Variants in SARNP observed in about 807,000 individuals in gnomAD.
SARNP encodes SAP domain-containing ribonucleoprotein.
In SARNP, 5 loss-of-function variants were observed where a neutral mutation model predicts 38.1. The ratio of observed to expected loss-of-function variants is 0.13; its 90% CI spans 0.07 to 0.28. The LOEUF is 0.28. SARNP is among the 10% of genes least tolerant of loss of function. The pLI, the probability that SARNP is intolerant of heterozygous loss-of-function variation, is 1.00. For synonymous variants in SARNP, 84 were observed against 80.6 expected (o/e 1.04, Z -0.23); for missense variants, 180 against 243.9 (o/e 0.74, Z 1.75).
At chr12:55,757,657 G>T in intron 10 of SARNP, 104 bp from the exon 11 acceptor site, 1 of 803,912 alleles carries the variant, frequency 1.2e-6, no homozygotes. Flanking sequence ...CAAGGCCCGA[G>T]AAGGAAGGAT....
chr12:55,794,480 T>C, intron 6 of SARNP, 93 bp from the exon 7 acceptor site: 2 of 1,097,318 alleles, frequency 1.8e-6, no homozygotes, highest in African/African-American at 1.6e-5. Context: ...CACTTCTTGC[T>C]TGTGATCTCA....
intron 7 of SARNP, among the ~76,000 whole-genome samples, chr12:55,792,108 G>C (rs1879688011): frequency 6.6e-6 from 1 of 151,892 alleles, no homozygotes; most frequent in South Asian, 2.1e-4. Context: ...AAATAAAAAA[G>C]CACCACGTTC....
chr12:55,811,892 C>T (rs879808985), intron 1 of SARNP, among the ~76,000 whole-genome samples: 1 of 152,196 alleles, frequency 6.6e-6, no homozygotes, highest in African/African-American at 2.4e-5. Context: ...CTTCTCACCA[C>T]GGCAAATGCT....
At chr12:55,760,470 G>C (rs765270211) in intron 10 of SARNP, 81 bp downstream of exon 10, 4 of 814,206 alleles carry the variant, frequency 4.9e-6, no homozygotes, top group Non-Finnish European at 8.4e-6. Flanking sequence ...ATAAATAGGT[G>C]GGGAAACAAT....
In SARNP at chr12:55,757,697, T is replaced by C. The variant is rs1878554743; in HGVS notation, c.592-144A>G. 5 of 587,966 alleles carry C rather than the reference T, an allele frequency of 8.5e-6. No homozygotes were observed. In the Admixed American group the frequency reaches 1.7e-4, roughly 20 times the overall value. The allele number at this position is 587,966 out of a possible 1,614,324, so 36.4% of individuals were successfully genotyped here. Reference sequence around the variant, plus strand: ...CAGACTTGAGCTTGGTAGCTAGAGATTTCATTCCTGAATCTCTCCAATCCT... The same window carrying C: ...CAGACTTGAGCTTGGTAGCTAGAGACTTCATTCCTGAATCTCTCCAATCCT... On this transcript the variant is annotated intron_variant, in intron 10 of 10. Transcript: ENST00000336133.
At chr12:55,770,965 C>T (rs1300419281) in intron 9 of SARNP, among the ~76,000 whole-genome samples, 1 of 145,194 alleles carries the variant, frequency 6.9e-6, no homozygotes, top group Non-Finnish European at 1.5e-5. Flanking sequence ...AACAGAGTTT[C>T]GCTCTTGTTG....
chr12:55,803,525 G>A, intron 2 of SARNP, 104 bp downstream of exon 2: 1 of 606,746 alleles, frequency 1.6e-6, no homozygotes, highest in Non-Finnish European at 2.8e-6. Context: ...CGTTAATTAA[G>A]AGCTTACATT....
intron 9 of SARNP, among the ~76,000 whole-genome samples, chr12:55,767,740 G>A (rs1878881965): frequency 1.3e-5 from 2 of 151,070 alleles, no homozygotes; most frequent in East Asian, 2.0e-4. Flanking sequence ...CCAGCTACTC[G>A]GGAGGCTGAG....
chr12:55,801,042 C>T (rs908059007), intron 2 of SARNP, 142 bp from the exon 3 acceptor site: 10 of 682,996 alleles, frequency 1.5e-5, no homozygotes, highest in Non-Finnish European at 2.6e-5. Flanking sequence ...AAATCTGCTA[C>T]ATCTGGAGAA....
intron 9 of SARNP, among the ~76,000 whole-genome samples, chr12:55,765,007 T>C (rs1878787373): frequency 2.0e-5 from 3 of 152,176 alleles, no homozygotes; most frequent in African/African-American, 4.8e-5. Context: ...CTAGTTGATA[T>C]ATCTTCACTA....
At chr12:55,815,372 A>G (rs1410611365) in intron 1 of SARNP, among the ~76,000 whole-genome samples, 1 of 152,134 alleles carries the variant, frequency 6.6e-6, no homozygotes, top group African/African-American at 2.4e-5. Context: ...TAAAACCCCA[A>G]GTCAACCCAG....
intron 2 of SARNP, among the ~76,000 whole-genome samples, chr12:55,801,950 A>C (rs768138399): frequency 2.6e-5 from 4 of 152,202 alleles, no homozygotes; most frequent in African/African-American, 2.4e-5. Context: ...TCAACAAAAC[A>C]ATAGTTATTA....
downstream of SARNP, chr12:55,754,209 G>A (rs1878431428): frequency 6.6e-6 from 1 of 152,180 alleles, no homozygotes; most frequent in Non-Finnish European, 1.5e-5. Flanking sequence ...TTTGGCCTGA[G>A]CTGAAAATGG....
chr12:55,755,788 TAAGAA>T (rs1394595171), downstream of SARNP: 4 of 120,022 alleles, frequency 3.3e-5, no homozygotes, highest in African/African-American at 2.3e-4. Context: ...AAGAGGTTAA[TAAGAA>T]AAAAAAAAAA....
intron 9 of SARNP, among the ~76,000 whole-genome samples, chr12:55,766,654 A>C (rs1592556801): frequency 8.7e-6 from 1 of 114,690 alleles, no homozygotes; most frequent in Non-Finnish European, 1.7e-5. Context: ...AGACAGTCTC[A>C]CTCTGTCACC....
At chr12:55,816,963 G>A (rs1157773732) in intron 1 of SARNP, among the ~76,000 whole-genome samples, 1 of 152,090 alleles carries the variant, frequency 6.6e-6, no homozygotes, top group Non-Finnish European at 1.5e-5. Context: ...AATATTGCAG[G>A]TGTGAGTTCT....
chr12:55,796,228 T>G, intron 4 of SARNP, 152 bp from the exon 5 acceptor site: 1 of 596,010 alleles, frequency 1.7e-6, no homozygotes, highest in Non-Finnish European at 3.0e-6. Flanking sequence ...CACTAGAGCT[T>G]TGGTTCCTTT....
At chr12:55,811,835 G>A (rs781460711) in intron 1 of SARNP, among the ~76,000 whole-genome samples, 6 of 152,106 alleles carry the variant, frequency 3.9e-5, no homozygotes, top group Non-Finnish European at 2.9e-5. Context: ...TTCAATCAGC[G>A]GCAAAGTCTA....
chr12:55,753,751 AGAGT>A (rs1456776490), downstream of SARNP: 1 of 141,138 alleles, frequency 7.1e-6, no homozygotes, highest in Non-Finnish European at 1.5e-5. Flanking sequence ...GCATGGTGAC[AGAGT>A]GAGACTCCCA....
Sources: allele counts gnomAD v4.1 joint callset (sites outside exome capture counted in the v4.1 genomes callset), GRCh38; gene constraint gnomAD v4.1.1; transcripts MANE v1.5; gene names NCBI Gene and HGNC (gene_info 2026-07-23, HGNC 2026-07-21).